TLR8: variants seen among roughly 807,000 people sequenced by gnomAD.
TLR8 encodes toll-like receptor 8.
In TLR8, 5 loss-of-function variants were observed where a neutral mutation model predicts 18.5. The ratio of observed to expected loss-of-function variants is 0.27; its 90% CI spans 0.14 to 0.57. TLR8 has a LOEUF of 0.57. Ranked by LOEUF, TLR8 falls within the 20% of genes least tolerant of loss-of-function variation. The probability of loss-of-function intolerance (pLI) is 0.92; values close to 1 mark genes in which losing one functional copy is unlikely to be tolerated. For synonymous variants in TLR8, 299 were observed against 300.1 expected (o/e 1.00, Z 0.04); for missense variants, 543 against 769.8 (o/e 0.71, Z 3.49).
rs1013330981 is a variant in TLR8, at chrX:12,923,084, G to C, written c.*918G>C. ...TCTTACCATTTTTTAAAAGTATGCA[G>C]CTAAATTCGAAGCTTTTGGTCTATA... On this transcript the variant is annotated 3_prime_UTR_variant, in exon 2 of 2. Coordinates refer to ENST00000218032, the MANE Select transcript of TLR8 (RefSeq NM_138636.5). 3 of 111,848 alleles carry C rather than the reference G, an allele frequency of 2.7e-5. No individual in the cohort carries two copies. The highest frequency in any genetic ancestry group is 9.7e-5 in the African/African-American group (3 of 30,802). The allele number at this position is 111,848 out of a possible 1,213,427, so 9.2% of individuals were successfully genotyped here.
Position 12,922,074 on chromosome X carries a change from G to A in TLR8, c.3034G>A (p.Gly1012Ser). ...GTGGCCTGACAACCCGAAGGCAGAA[G>A]GCTTGTTTTGGCAAACTCTGAGAAA... The part of the protein sequence containing the change: ...LQWPDNPKAE[G>S]LFWQTLRNVV... The change falls in exon 2 of 2, where the codon GGC (glycine) becomes AGC (serine). Residue 1012 changes from glycine to serine, a missense_variant. Gly to Ser is a moderately conservative substitution (Grantham distance 56). Coordinates refer to ENST00000218032, the MANE Select transcript of TLR8 (RefSeq NM_138636.5). 8.3e-7 allele frequency: 1 copy of A among 1,211,343 alleles called. No individual in the cohort carries two copies. The highest frequency in any genetic ancestry group is 2.3e-4 in the Middle Eastern group (1 of 4,351).
intron 1 of TLR8, among the ~76,000 whole-genome samples, chrX:12,912,285 C>T (rs753811496): frequency 4.4e-5 from 5 of 112,897 alleles, no homozygotes; most frequent in Admixed American, 2.8e-4. Context: ...TCATCTGGGA[C>T]CAGATGCCCT....
intron 1 of TLR8, among the ~76,000 whole-genome samples, chrX:12,912,566 T>C (rs2043028768): frequency 8.8e-6 from 1 of 113,575 alleles, no homozygotes. Flanking sequence ...GGTGGAGCAA[T>C]GACAGTCTCC....
In TLR8 at chrX:12,914,629, A is replaced by C. The variant is rs764028497; in HGVS notation, c.4-4415A>C. On this transcript the variant is annotated intron_variant, in intron 1 of 1. Transcript: ENST00000218032. ...TGCATCCCTCTCCCTCACAACCTCT[A>C]CCTCCCTTTATTCATCCATTGCTAT... Among the ~76,000 whole-genome samples, 4 of 110,151 alleles carry C rather than the reference A, an allele frequency of 3.6e-5. No homozygotes were observed. The East Asian group carries it at 1.1e-3, about 31-fold the overall frequency.
intron 1 of TLR8, among the ~76,000 whole-genome samples, chrX:12,915,265 C>T (rs949133774): frequency 9.0e-6 from 1 of 111,486 alleles, no homozygotes; most frequent in African/African-American, 3.3e-5. Flanking sequence ...CAGTCTCAGG[C>T]GATTCTCCAG....
rs1015876364 is a variant in TLR8, at chrX:12,910,457, A to T, written c.3+3748A>T. The stretch of plus-strand genomic sequence containing the variant: ...AGACTAAAAAGGTAAAAAGCTGTTA[A>T]TTCCAGGAAGACAGCTTTACGCCCC... On this transcript the variant is annotated intron_variant, in intron 1 of 1. Coordinates refer to ENST00000218032, the MANE Select transcript of TLR8 (RefSeq NM_138636.5). 6.9e-6 allele frequency: 8 copies of T among 1,164,696 alleles called. No homozygotes were observed. The African/African-American group carries it at 1.1e-4, about 16-fold the overall frequency.
At chrX:12,918,960 G>A in intron 1 of TLR8, 84 bp from the exon 2 acceptor site, 2 of 993,571 alleles carry the variant, frequency 2.0e-6, no homozygotes, top group Non-Finnish European at 2.7e-6. Flanking sequence ...ATACAAGTAT[G>A]GGGCAGCGCT....
chrX:12,919,714 G>T lies in TLR8; in HGVS notation c.674G>T (p.Arg225Leu), dbSNP rs889236034. Residue 225 changes from arginine to leucine, a missense_variant, in exon 2 of 2, where the codon CGC becomes CTC. Transcript: ENST00000218032. ...CCACCCAAACTGCCAAGCTCCCTAC[G>T]CAAACTTTTTCTGAGCAACACCCAG... is the stretch of plus-strand genomic sequence containing the variant. The part of the protein sequence containing the change: ...HVPPKLPSSL[R>L]KLFLSNTQIK... 1.7e-6 allele frequency: 2 copies of T among 1,208,117 alleles called. No individual in the cohort carries two copies. The highest frequency in any genetic ancestry group is 3.5e-5 in the African/African-American group (2 of 56,900).
intron 1 of TLR8, among the ~76,000 whole-genome samples, chrX:12,912,084 CTT>C (rs1491428987): frequency 5.2e-5 from 5 of 96,663 alleles, no homozygotes; most frequent in African/African-American, 2.0e-4. Context: ...CTCTCTCTCT[CTT>C]TCTCTCTATT....
chrX:12,921,605 T>C lies in TLR8; in HGVS notation c.2565T>C (p.Asp855=). The change falls in exon 2 of 2, where the codon GAT becomes GAC. Residue 855 remains aspartate (D), a synonymous_variant. Transcript: ENST00000218032. ...TGGCTCACCATTTGTTTTACTGGGA[T>C]GTTTGGTTTATATATAATGTGTGTT... ...AALAHHLFYW[D]VWFIYNVCLA... is the part of the protein sequence containing the mutation. 4 of 1,211,925 alleles carry C rather than the reference T, an allele frequency of 3.3e-6. No homozygotes were observed. The highest frequency in any genetic ancestry group is 4.5e-6 in the Non-Finnish European group (4 of 895,441).
intron 1 of TLR8, among the ~76,000 whole-genome samples, chrX:12,911,864 C>G (rs1223769006): frequency 8.8e-6 from 1 of 113,003 alleles, no homozygotes; most frequent in Non-Finnish European, 1.9e-5. Flanking sequence ...TAGGCTTCAG[C>G]CTTCTCTGCT....
chrX:12,913,116 G>T (rs962354135), intron 1 of TLR8, among the ~76,000 whole-genome samples: 2 of 112,089 alleles, frequency 1.8e-5, no homozygotes, highest in Non-Finnish European at 3.8e-5. Flanking sequence ...AATAATTTGT[G>T]TTAATCTGTA....
chrX:12,912,630 A>G (rs1010642225), intron 1 of TLR8, among the ~76,000 whole-genome samples: 3 of 113,280 alleles, frequency 2.6e-5, no homozygotes, highest in Non-Finnish European at 5.6e-5. Flanking sequence ...CCATTTATGT[A>G]CTTTTCAAAA....
At position 12,919,973 on chromosome X, in the gene TLR8, T is replaced by C; in HGVS notation, c.933T>C (p.Pro311=). 1 of 1,211,758 alleles carries C rather than the reference T, an allele frequency of 8.3e-7. No individual in the cohort carries two copies. Among genetic ancestry groups the C allele is most frequent in the Non-Finnish European group, 1.1e-6 (1 of 895,520 alleles). Reference sequence around the variant, plus strand: ...ATGCTGCCTGGTTTAAAAATATGCCTCATCTGAAGGTGCTGGATCTTGAAT... The same window carrying C: ...ATGCTGCCTGGTTTAAAAATATGCCCCATCTGAAGGTGCTGGATCTTGAAT... ...KINAAWFKNM[P]HLKVLDLEFN... is the part of the protein sequence containing the mutation. Residue 311 remains proline, a synonymous_variant, in exon 2 of 2, where the codon CCT becomes CCC. Coordinates refer to ENST00000218032, the MANE Select transcript of TLR8 (RefSeq NM_138636.5).
intron 1 of TLR8, among the ~76,000 whole-genome samples, chrX:12,909,872 T>C (rs2043009219): frequency 8.9e-6 from 1 of 112,164 alleles, no homozygotes; most frequent in Non-Finnish European, 1.9e-5. Flanking sequence ...TTTGTTTTTG[T>C]TTTTGTTTCT....
intron 1 of TLR8, among the ~76,000 whole-genome samples, chrX:12,916,948 TG>T (rs1338224840): frequency 9.0e-6 from 1 of 111,522 alleles, no homozygotes; most frequent in African/African-American, 3.3e-5. Context: ...ACAGGCTGCT[TG>T]CATTCCTTGT....
At position 12,919,925 on chromosome X, in the gene TLR8, T is replaced by G. The variant is rs1347074626; in HGVS notation, c.885T>G (p.Ser295=). 1 of 1,211,419 alleles carries G rather than the reference T, an allele frequency of 8.3e-7. No individual in the cohort carries two copies. The part of the protein sequence containing the change: ...NLTQLRYLNL[S]STSLRKINAA... ...CCCAACTTCGATACCTAAACCTCTC[T>G]AGCACTTCCCTCAGGAAGATTAATG... Residue 295 remains serine, a synonymous_variant, in exon 2 of 2, where the codon TCT becomes TCG. Coordinates refer to ENST00000218032, the MANE Select transcript of TLR8 (RefSeq NM_138636.5).
chrX:12,919,170 TCA>T lies in TLR8; in HGVS notation c.131_132del (p.Ser44CysfsTer28), dbSNP rs1468707465. ...TTGTGATGAGAAAAAGCAAAATGACTCAGTTATTGCAGAGTGCAGCAATCGTC... is the reference window on the plus strand; with the variant it reads ...TTGTGATGAGAAAAAGCAAAATGACTGTTATTGCAGAGTGCAGCAATCGTC... ...YPCDEKKQND[S>X]VIAECSNRRL... On this transcript the variant is annotated frameshift_variant, in exon 2 of 2. Coordinates refer to ENST00000218032, the MANE Select transcript of TLR8 (RefSeq NM_138636.5). LOFTEE classifies it low-confidence loss of function (END_TRUNC). The T allele has an allele frequency of 1.7e-6, 2 of 1,210,376 alleles. No individual in the cohort carries two copies. Among genetic ancestry groups the T allele is most frequent in the African/African-American group, 3.5e-5 (2 of 57,243 alleles).
rs2043103860 is a variant in TLR8, at chrX:12,922,589, C to T, written c.*423C>T. On this transcript the variant is annotated 3_prime_UTR_variant, in exon 2 of 2. Coordinates refer to ENST00000218032, the MANE Select transcript of TLR8 (RefSeq NM_138636.5). ...TAATCGAATCAAAAAAGTGATATCT[C>T]ATCACTTTGGCCATATTCTATTTGT... 1 of 121,578 alleles carries T rather than the reference C, an allele frequency of 8.2e-6. No homozygotes were observed. Among genetic ancestry groups the T allele is most frequent in the Non-Finnish European group, 1.7e-5 (1 of 59,551 alleles). 10.0% of individuals were successfully genotyped at this position (121,578 alleles called of 1,213,427 possible).
Sources: gnomAD v4.1 joint callset for allele counts (sites outside exome capture counted in the v4.1 genomes callset) on GRCh38, gnomAD v4.1.1 for gene constraint, MANE v1.5 for transcripts, NCBI Gene and HGNC (gene_info 2026-07-23, HGNC 2026-07-21) for gene names.